Variants in SRC observed in about 807,000 individuals in gnomAD.
SRC encodes the protein SRC proto-oncogene, non-receptor tyrosine kinase, also known as proto-oncogene tyrosine-protein kinase Src.
In SRC, 13 loss-of-function variants were observed where a neutral mutation model predicts 62.9. That is an observed-to-expected ratio of 0.21 (90% CI 0.13 to 0.33). The LOEUF (loss-of-function observed/expected upper bound fraction) is 0.33, where lower values mean the gene tolerates loss of function less well. Ranked by LOEUF, SRC falls within the 10% of genes least tolerant of loss-of-function variation. SRC has a pLI of 1.00. For synonymous variants in SRC, 302 were observed against 317.5 expected (o/e 0.95, Z 0.52); for missense variants, 457 against 737.3 (o/e 0.62, Z 4.40).
intron 2 of SRC, among the ~76,000 whole-genome samples, chr20:37,378,351 C>A (rs1009273813): frequency 2.0e-5 from 3 of 151,924 alleles, no homozygotes; most frequent in African/African-American, 7.3e-5. Flanking sequence ...CTATGTTGCC[C>A]AGGCTCAATC....
intron 2 of SRC, among the ~76,000 whole-genome samples, chr20:37,373,277 CA>C: frequency 6.6e-6 from 1 of 151,458 alleles, no homozygotes. Flanking sequence ...CGCACACACA[CA>C]CACACATATT....
Position 37,372,140 on chromosome 20 carries a change from G to A in SRC, c.-173+6863G>A, listed in dbSNP as rs1003466745. ...AGCCTCCCGAGTAGCTGGGACTACC[G>A]GCAGGTGCCACCATGCCTGACGATT... On this transcript the variant is annotated intron_variant, in intron 2 of 13. Coordinates refer to ENST00000373578, the MANE Select transcript of SRC (RefSeq NM_198291.3). Among the ~76,000 whole-genome samples the A allele has an allele frequency of 1.3e-4, 20 of 152,210 alleles. 1 individual carries two copies. Among genetic ancestry groups the A allele is most frequent in the Non-Finnish European group, 1.9e-4 (13 of 68,030 alleles).
intron 2 of SRC, among the ~76,000 whole-genome samples, chr20:37,377,515 C>T (rs2070295974): frequency 6.6e-6 from 1 of 152,162 alleles, no homozygotes; most frequent in Non-Finnish European, 1.5e-5. Context: ...GTGACCTGAG[C>T]ATCTGTGAGC....
Position 37,384,228 on chromosome 20 carries a change from CGGCGCTGGCGGG to C in SRC, c.82_93del (p.Gly28_Ala31del). 6.3e-7 allele frequency: 1 copy of C among 1,577,250 alleles called. No homozygotes were observed. The highest frequency in any genetic ancestry group is 8.6e-7 in the Non-Finnish European group (1 of 1,168,312). ...GCCTGGAGCCCGCCGAGAACGTGCA[CGGCGCTGGCGGG>C]GGCGCTTTCCCCGCCTCGCAGACCC... On this transcript the variant is annotated inframe_deletion, in exon 4 of 14. Transcript: ENST00000373578. The surrounding 1 kb of genome is among the most constrained non-coding windows in gnomAD (Gnocchi z 6.7).
chr20:37,347,695 G>A (rs6011996), intron 1 of SRC, among the ~76,000 whole-genome samples: 46,298 of 152,104 alleles, frequency 0.3, 7,809 homozygotes, highest in African/African-American at 0.44. Context: ...AACTGGGCCA[G>A]TGGTAATGAC....
intron 5 of SRC, among the ~76,000 whole-genome samples, chr20:37,389,174 C>T (rs2070505889): frequency 6.6e-6 from 1 of 152,110 alleles, no homozygotes; most frequent in Non-Finnish European, 1.5e-5. Context: ...TATTGTGTGG[C>T]CCTGGGTGTG....
chr20:37,377,409 T>C (rs1392957835), intron 2 of SRC, among the ~76,000 whole-genome samples: 1 of 152,206 alleles, frequency 6.6e-6, no homozygotes, highest in African/African-American at 2.4e-5. Flanking sequence ...TCTCAGCTCC[T>C]AAGCTCCTGG....
chr20:37,385,973 G>A (rs1399189046), intron 4 of SRC, 102 bp from the exon 5 acceptor site: 12 of 878,874 alleles, frequency 1.4e-5, no homozygotes, highest in South Asian at 2.9e-5. Context: ...GAGCACTTGC[G>A]TGTGGGAGAC....
At position 37,403,769 on chromosome 20, in the gene SRC, C is replaced by T. The variant is rs1307389401; in HGVS notation, c.*390C>T. 3.4e-6 allele frequency: 1 copy of T among 292,448 alleles called. No homozygotes were observed. The highest frequency in any genetic ancestry group is 6.5e-6 in the Non-Finnish European group (1 of 153,150). The allele number at this position is 292,448 out of a possible 1,614,324, so 18.1% of individuals were successfully genotyped here. On this transcript the variant is annotated 3_prime_UTR_variant, in exon 14 of 14. Coordinates refer to ENST00000373578, the MANE Select transcript of SRC (RefSeq NM_198291.3). This position sits in a 1 kb window ranked among gnomAD's most constrained non-coding sequence, Gnocchi z 7.1. Reference sequence around the variant, plus strand: ...TCCCCACTTCTGTGCCACCCCCGGTCTATGTCGAGAGCTGGCCAAAGAGCC... The same window carrying T: ...TCCCCACTTCTGTGCCACCCCCGGTTTATGTCGAGAGCTGGCCAAAGAGCC...
rs760418101 is a variant in SRC, at chr20:37,396,115, C to CG, written c.554-41dup. 4.4e-6 allele frequency: 7 copies of CG among 1,597,004 alleles called. No homozygotes were observed. The highest frequency in any genetic ancestry group is 2.1e-4 in the Middle Eastern group (1 of 4,730). ...GAACGGTGTCCAGAGCAGCGGCCTGCGGGGGGAGAGGGCATGGCGGTCACG... is the reference window on the plus strand; with the variant it reads ...GAACGGTGTCCAGAGCAGCGGCCTGCGGGGGGGAGAGGGCATGGCGGTCACG... On this transcript the variant is annotated intron_variant, in intron 7 of 13. Coordinates refer to ENST00000373578, the MANE Select transcript of SRC (RefSeq NM_198291.3). This position sits in a 1 kb window ranked among gnomAD's most constrained non-coding sequence, Gnocchi z 6.1.
Position 37,403,314 on chromosome 20 carries a change from CA to C in SRC, c.1547del (p.Gln516ArgfsTer128). Reference protein sequence around the residue: ...PEERPTFEYLQAFLEDYFTST... With the variant: ...PEERPTFEYLXAFLEDYFTST... Reference sequence around the variant, plus strand: ...GGAGCGGCCCACCTTCGAGTACCTGCAGGCCTTCCTGGAGGACTACTTCACG... The same window carrying C: ...GGAGCGGCCCACCTTCGAGTACCTGCGGCCTTCCTGGAGGACTACTTCACG... On this transcript the variant is annotated frameshift_variant, in exon 14 of 14. Transcript: ENST00000373578. LOFTEE classifies it high-confidence loss of function. This position sits in a 1 kb window ranked among gnomAD's most constrained non-coding sequence, Gnocchi z 7.1. 1 of 1,606,432 alleles carries C rather than the reference CA, an allele frequency of 6.2e-7. No individual in the cohort carries two copies. The highest frequency in any genetic ancestry group is 8.5e-7 in the Non-Finnish European group (1 of 1,177,046).
At position 37,396,230 on chromosome 20, in the gene SRC, C is replaced by T. The variant is rs778554009; in HGVS notation, c.622C>T (p.Arg208Cys). The change falls in exon 8 of 14, where the codon CGC becomes TGC. Residue 208 changes from arginine (R) to cysteine (C), a missense_variant. This residue lies in a region of SRC where 141 missense variants were observed against 198.4 expected (regional missense o/e 0.71). Coordinates refer to ENST00000373578, the MANE Select transcript of SRC (RefSeq NM_198291.3). The surrounding 1 kb of genome is among the most constrained non-coding windows in gnomAD (Gnocchi z 6.1). ...CCTCAACGTGAAGCACTACAAGATC[C>T]GCAAGCTGGACAGCGGCGGCTTCTA... ...KGLNVKHYKI[R>C]KLDSGGFYIT... is the part of the protein sequence containing the mutation. 8 of 1,614,084 alleles carry T rather than the reference C, an allele frequency of 5.0e-6. No homozygotes were observed. Among genetic ancestry groups the T allele is most frequent in the Middle Eastern group, 3.3e-4 (2 of 6,056 alleles).
At chr20:37,352,935 G>T (rs2069828693) in intron 1 of SRC, among the ~76,000 whole-genome samples, 1 of 152,196 alleles carries the variant, frequency 6.6e-6, no homozygotes, top group South Asian at 2.1e-4. Context: ...CGGTCCCACT[G>T]AGTCCATGAG....
intron 4 of SRC, 66 bp from the exon 5 acceptor site, chr20:37,386,009 C>A: frequency 1.5e-6 from 2 of 1,304,986 alleles, no homozygotes; most frequent in Non-Finnish European, 2.2e-6. Flanking sequence ...GGGTACAGGG[C>A]CATCCTGCCC....
intron 2 of SRC, among the ~76,000 whole-genome samples, chr20:37,373,429 GTATATACGCA>G (rs1163355451): frequency 4.3e-5 from 4 of 93,374 alleles, no homozygotes; most frequent in Admixed American, 1.8e-4. Context: ...ATATATGCGT[GTATATACGCA>G]TATATACGCA....
rs1353562928 is a variant in SRC, at chr20:37,384,436, A to T, written c.250+33A>T. 1 of 1,301,780 alleles carries T rather than the reference A, an allele frequency of 7.7e-7. No homozygotes were observed. Among genetic ancestry groups the T allele is most frequent in the South Asian group, 2.2e-5 (1 of 44,532 alleles). The allele number at this position is 1,301,780 out of a possible 1,614,324, so 80.6% of individuals were successfully genotyped here. ...CGCGGGCGGCGCGGGGTCCTCGCCCACCTGGGGCCACGGCGGGGAGGCGGC... is the reference window on the plus strand; with the variant it reads ...CGCGGGCGGCGCGGGGTCCTCGCCCTCCTGGGGCCACGGCGGGGAGGCGGC... On this transcript the variant is annotated intron_variant, in intron 4 of 13. Transcript: ENST00000373578. This position sits in a 1 kb window ranked among gnomAD's most constrained non-coding sequence, Gnocchi z 6.7.
intron 1 of SRC, among the ~76,000 whole-genome samples, chr20:37,358,843 C>G (rs940856240): frequency 3.9e-5 from 6 of 152,266 alleles, no homozygotes. Context: ...CCCGGCCTGC[C>G]GTCTCCACCC....
intron 1 of SRC, among the ~76,000 whole-genome samples, chr20:37,364,563 G>C (rs1600968253): frequency 1.3e-5 from 2 of 152,272 alleles, no homozygotes; most frequent in Non-Finnish European, 2.9e-5. Flanking sequence ...AGAGGGTGGA[G>C]CTGAGAGAGG....
intron 11 of SRC, 163 bp downstream of exon 11, chr20:37,401,841 G>T: frequency 1.9e-6 from 1 of 538,202 alleles, no homozygotes; most frequent in Non-Finnish European, 3.2e-6. Context: ...TCTGCTTACA[G>T]GTGCCCTGAG....
Sources: allele counts gnomAD v4.1 joint callset (sites outside exome capture counted in the v4.1 genomes callset), GRCh38; gene constraint gnomAD v4.1.1; regional missense constraint gnomAD v4.1.1; non-coding constraint Gnocchi (gnomAD v3.1); transcripts MANE v1.5; gene names NCBI Gene and HGNC (gene_info 2026-07-23, HGNC 2026-07-21).